Variants in REV3L observed in about 807,000 individuals in gnomAD.
REV3L encodes the protein DNA polymerase zeta catalytic subunit.
In REV3L, 69 loss-of-function variants were observed where a neutral mutation model predicts 299.4. The ratio of observed to expected loss-of-function variants is 0.23; its 90% CI spans 0.19 to 0.28. REV3L has a LOEUF of 0.28. REV3L is among the 10% of genes least tolerant of loss of function. REV3L has a pLI of 1.00. For synonymous variants in REV3L, 1,238 were observed against 1,271.4 expected, an observed-to-expected ratio of 0.97 and a Z score of 0.56; for missense variants, 3,128 against 3,693.8, an observed-to-expected ratio of 0.85 and a Z score of 3.97.
intron 5 of REV3L, 140 bp downstream of exon 5, chr6:111,392,736 C>T: frequency 1.9e-6 from 1 of 532,354 alleles, no homozygotes; most frequent in East Asian, 2.9e-5. Flanking sequence ...ACACTAATGT[C>T]AAGGTTTGTT....
At position 111,387,472 on chromosome 6, in the gene REV3L, C is replaced by T. The variant is rs1562235201; in HGVS notation, c.1096+293G>A. Reference sequence around the variant, plus strand: ...TGAAAAAAGCAAGTTGCTTCATCTACGCCAAGCAGAACATCATTTACGTAA... The same window carrying T: ...TGAAAAAAGCAAGTTGCTTCATCTATGCCAAGCAGAACATCATTTACGTAA... On this transcript the variant is annotated intron_variant, in intron 9 of 31. Transcript: ENST00000368802. 3.9e-5 allele frequency among the ~76,000 whole-genome samples: 6 copies of T among 152,214 alleles called. No individual in the cohort carries two copies. In the South Asian group the frequency reaches 1.2e-3, roughly 32 times the overall value.
chr6:111,430,787 G>A (rs1326615906), intron 1 of REV3L: 12 of 1,607,730 alleles, frequency 7.5e-6, no homozygotes, highest in East Asian at 2.2e-5. Flanking sequence ...TGACCGCATC[G>A]TGAAGGAATC....
At chr6:111,473,455 C>A (rs17510381) in intron 1 of REV3L, among the ~76,000 whole-genome samples, 1 of 151,886 alleles carries the variant, frequency 6.6e-6, no homozygotes, top group South Asian at 2.1e-4. Flanking sequence ...ATTCCCTCCT[C>A]CCTTTTTTGG....
intron 26 of REV3L, among the ~76,000 whole-genome samples, chr6:111,316,439 G>C (rs547710144): frequency 1.3e-5 from 2 of 151,850 alleles, no homozygotes; most frequent in Non-Finnish European, 1.5e-5. Context: ...TGAGGCGGGT[G>C]TATCACCTGA....
chr6:111,374,186 T>G lies in REV3L; in HGVS notation c.4169A>C (p.Gln1390Pro). ...SKIEDNANNI[Q>P]RNYLSSIGKL... ...TCCGATTGATGACAAATAGTTTCTT[T>G]GTATATTATTTGCATTATCTTCTAT... Residue 1390 changes from glutamine (Q) to proline (P), a missense_variant, in exon 13 of 32, where the codon CAA (glutamine) becomes CCA (proline). Transcript: ENST00000368802. 1 of 1,614,056 alleles carries G rather than the reference T, an allele frequency of 6.2e-7. No individual in the cohort carries two copies. The highest frequency in any genetic ancestry group is 8.5e-7 in the Non-Finnish European group (1 of 1,179,928).
chr6:111,374,968 CCAG>C lies in REV3L; in HGVS notation c.3384_3386del (p.Cys1128del). On this transcript the variant is annotated inframe_deletion, in exon 13 of 32. Coordinates refer to ENST00000368802, the MANE Select transcript of REV3L (RefSeq NM_001372078.1). Reference sequence around the variant, plus strand: ...CTTCAGCTCTTGGATCTGTGGGAGACCAGCAGCGAGGTGGAGAAGAATTTATGG... The same window carrying C: ...CTTCAGCTCTTGGATCTGTGGGAGACCAGCGAGGTGGAGAAGAATTTATGG... 1.2e-6 allele frequency: 2 copies of C among 1,612,386 alleles called. No individual in the cohort carries two copies. Among genetic ancestry groups the C allele is most frequent in the Non-Finnish European group, 1.7e-6 (2 of 1,179,480 alleles).
intron 1 of REV3L, among the ~76,000 whole-genome samples, chr6:111,453,423 G>C (rs1313963889): frequency 6.6e-6 from 1 of 152,094 alleles, no homozygotes; most frequent in Non-Finnish European, 1.5e-5. Context: ...TGGAGACGTA[G>C]GGGGCTCAAA....
chr6:111,308,437 T>G (rs1269528130), intron 30 of REV3L, among the ~76,000 whole-genome samples: 1 of 152,196 alleles, frequency 6.6e-6, no homozygotes, highest in East Asian at 1.9e-4. Flanking sequence ...TAATAAAGTG[T>G]TGAATATCTC....
intron 29 of REV3L, chr6:111,310,794 G>T (rs1772887458): frequency 3.0e-6 from 1 of 333,296 alleles, no homozygotes. Context: ...CAATATTAAG[G>T]ACTACCTAGT....
intron 17 of REV3L, among the ~76,000 whole-genome samples, chr6:111,357,517 C>G (rs1778215098): frequency 6.6e-6 from 1 of 152,128 alleles, no homozygotes; most frequent in East Asian, 1.9e-4. Flanking sequence ...ATGGTGAAAC[C>G]CCGTCTCTAC....
intron 26 of REV3L, 57 bp downstream of exon 26, chr6:111,322,512 C>T: frequency 1.5e-6 from 2 of 1,306,138 alleles, no homozygotes; most frequent in Non-Finnish European, 2.2e-6. Context: ...ATTTTAAACA[C>T]TGAAATGAAG....
chr6:111,387,840 C>T lies in REV3L; in HGVS notation c.1021G>A (p.Val341Ile), dbSNP rs150944600. The change falls in exon 9 of 32, where the codon GTT becomes ATT. Residue 341 changes from valine (V) to isoleucine (I), a missense_variant. Around this residue, in one of 9 missense-constraint regions of REV3L, gnomAD observed 2,409 missense variants for 2,611.8 expected, o/e 0.92. Transcript: ENST00000368802. ...CACTGAAGCATTTCAGGAGACAGAA[C>T]CTCAGAGTGCAATGTTAACTCAGCA... The part of the protein sequence containing the change: ...FSAELTLHSE[V>I]LSPEMLQCTP... 5.5e-5 allele frequency: 89 copies of T among 1,613,760 alleles called. No homozygotes were observed. Among genetic ancestry groups the T allele is most frequent in the Non-Finnish European group, 6.2e-5 (73 of 1,179,864 alleles).
intron 4 of REV3L, among the ~76,000 whole-genome samples, chr6:111,401,623 A>G (rs771155181): frequency 6.6e-6 from 1 of 152,242 alleles, no homozygotes; most frequent in Admixed American, 6.5e-5. Flanking sequence ...CAATGCTTCA[A>G]TATTTGTGTA....
At chr6:111,349,089 A>T in intron 20 of REV3L, 129 bp downstream of exon 20, 3 of 556,458 alleles carry the variant, frequency 5.4e-6, no homozygotes, top group Non-Finnish European at 9.5e-6. Context: ...TTTTAACTCT[A>T]CTTAAGTATA....
intron 1 of REV3L, among the ~76,000 whole-genome samples, chr6:111,452,094 G>A (rs1434156674): frequency 6.7e-6 from 1 of 150,372 alleles, no homozygotes; most frequent in Non-Finnish European, 1.5e-5. Context: ...TGGCAAATAT[G>A]CACACTAAAA....
At chr6:111,399,915 A>G (rs1451546860) in intron 4 of REV3L, among the ~76,000 whole-genome samples, 1 of 152,180 alleles carries the variant, frequency 6.6e-6, no homozygotes, top group Non-Finnish European at 1.5e-5. Context: ...TCCCCTTTGC[A>G]GTCAATACTT....
chr6:111,448,446 C>T (rs114111761), intron 1 of REV3L, among the ~76,000 whole-genome samples: 4,340 of 152,016 alleles, frequency 0.029, 75 homozygotes, highest in South Asian at 0.078. Flanking sequence ...TCAGATGATC[C>T]ACCTCAGCCT....
intron 7 of REV3L, 118 bp from the exon 8 acceptor site, chr6:111,388,203 A>G (rs1781535682): frequency 1.5e-6 from 1 of 645,966 alleles, no homozygotes; most frequent in African/African-American, 1.8e-5. Flanking sequence ...AGATATACAT[A>G]ATACAACCTA....
chr6:111,449,596 A>G (rs1789264385), intron 1 of REV3L, among the ~76,000 whole-genome samples: 1 of 152,244 alleles, frequency 6.6e-6, no homozygotes, highest in Non-Finnish European at 1.5e-5. Flanking sequence ...TTCACAAGAC[A>G]TCGAGTAGAA....
Sources: gnomAD v4.1 joint callset for allele counts (sites outside exome capture counted in the v4.1 genomes callset) on GRCh38, gnomAD v4.1.1 for gene constraint, gnomAD v4.1.1 regional missense constraint, MANE v1.5 for transcripts, NCBI Gene and HGNC (gene_info 2026-07-23, HGNC 2026-07-21) for gene names.